The following MYO9A variants were observed in gnomAD, a reference collection of about 807,000 sequenced individuals.
The protein encoded by MYO9A is unconventional myosin-IXa.
MYO9A carries 103 observed loss-of-function variants against 293.3 expected under a neutral mutation model. The ratio of observed to expected loss-of-function variants is 0.35; its 90% CI spans 0.30 to 0.41. The LOEUF (loss-of-function observed/expected upper bound fraction) is 0.41, where lower values mean the gene tolerates loss of function less well. Ranked by LOEUF, MYO9A falls within the 10% of genes least tolerant of loss-of-function variation. MYO9A has a pLI of 1.00. For missense variants in MYO9A, 2,685 were observed against 3,033.0 expected (o/e 0.89, Z 2.69); for synonymous variants, 1,001 against 1,035.7 (o/e 0.97, Z 0.64).
chr15:72,058,868 GT>G (rs934397172), intron 1 of MYO9A, among the ~76,000 whole-genome samples: 3 of 152,180 alleles, frequency 2.0e-5, no homozygotes, highest in African/African-American at 7.2e-5. Context: ...TAGAAGTTCA[GT>G]TAAAGAAATT....
At chr15:71,846,173 G>C (rs1251733966) in intron 39 of MYO9A, among the ~76,000 whole-genome samples, 2 of 152,182 alleles carry the variant, frequency 1.3e-5, no homozygotes, top group Non-Finnish European at 2.9e-5. Flanking sequence ...ACAGAAATGA[G>C]ATAGAACTGA....
intron 1 of MYO9A, among the ~76,000 whole-genome samples, chr15:72,058,567 G>T (rs1011540615): frequency 1.3e-5 from 2 of 152,082 alleles, no homozygotes; most frequent in Non-Finnish European, 2.9e-5. Flanking sequence ...AACAATACAC[G>T]TAAAGAACTA....
At chr15:72,068,397 C>G (rs1308846487) in intron 1 of MYO9A, among the ~76,000 whole-genome samples, 1 of 151,794 alleles carries the variant, frequency 6.6e-6, no homozygotes, top group African/African-American at 2.4e-5. Flanking sequence ...ATACCCATTT[C>G]TAGATTTAAA....
At chr15:71,886,920 C>CT (rs1464741038) in intron 27 of MYO9A, among the ~76,000 whole-genome samples, 2 of 152,034 alleles carry the variant, frequency 1.3e-5, no homozygotes, top group African/African-American at 4.8e-5. Context: ...GATTATACCT[C>CT]TACAGTCAGC....
chr15:72,047,774 C>CTTTTTTTTTTTT (rs11397735), intron 1 of MYO9A, among the ~76,000 whole-genome samples: 14 of 74,384 alleles, frequency 1.9e-4, no homozygotes, highest in East Asian at 9.7e-4. Flanking sequence ...CAGTTACTTC[C>CTTTTTTTTTTTT]TTTTTTTTTT....
intron 1 of MYO9A, among the ~76,000 whole-genome samples, chr15:72,051,807 C>A (rs1032028913): frequency 1.4e-4 from 21 of 152,120 alleles, no homozygotes; most frequent in Non-Finnish European, 1.3e-4. Context: ...TGTAGGCACC[C>A]CCTGTCACAA....
intron 1 of MYO9A, among the ~76,000 whole-genome samples, chr15:72,083,778 GTTGT>G (rs1463870430): frequency 1.3e-5 from 2 of 152,188 alleles, no homozygotes; most frequent in African/African-American, 4.8e-5. Context: ...TCAGAAGAAG[GTTGT>G]TTAATTTCCA....
At chr15:71,943,472 ATCTCT>A (rs2058830563) in intron 15 of MYO9A, among the ~76,000 whole-genome samples, 1 of 152,068 alleles carries the variant, frequency 6.6e-6, no homozygotes, top group African/African-American at 2.4e-5. Flanking sequence ...ATGAAAAATA[ATCTCT>A]TCTAGGCATT....
intron 15 of MYO9A, among the ~76,000 whole-genome samples, chr15:71,948,727 A>G (rs2058979345): frequency 6.6e-6 from 1 of 152,188 alleles, no homozygotes; most frequent in African/African-American, 2.4e-5. Flanking sequence ...TTTCCATATA[A>G]TACATATGTT....
intron 2 of MYO9A, among the ~76,000 whole-genome samples, chr15:72,036,983 T>G (rs2078067402): frequency 6.6e-6 from 1 of 151,890 alleles, no homozygotes; most frequent in Admixed American, 6.6e-5. Flanking sequence ...TCCACCTACC[T>G]GAGCCTCCCA....
In MYO9A at chr15:71,935,435, T is replaced by G. The variant is rs1410068658; in HGVS notation, c.2428A>C (p.Arg810=). ...AGCAAGGAGGTGCCACTTGATAGTC[T>G]GCTCTGGCGAATCCCAGTTCTGCCA... ...WNGRTGIRQS[R]LSSGTSLLDK... Residue 810 remains arginine (R), a synonymous_variant, in exon 17 of 42, where the codon AGA becomes CGA. Coordinates refer to ENST00000356056, the MANE Select transcript of MYO9A (RefSeq NM_006901.4). 4 of 1,613,566 alleles carry G rather than the reference T, an allele frequency of 2.5e-6. No individual in the cohort carries two copies. The highest frequency in any genetic ancestry group is 3.4e-6 in the Non-Finnish European group (4 of 1,179,708).
rs142776567 is a variant in MYO9A at position 71,897,772 on chromosome 15, T to A, written c.4731A>T (p.Leu1577=). The A allele has an allele frequency of 3.3e-4, 525 of 1,614,068 alleles. 1 individual carries two copies. The African/African-American group carries it at 5.2e-3, about 16-fold the overall frequency. Residue 1577 remains leucine, a synonymous_variant, in exon 25 of 42, where the codon CTA becomes CTT. Transcript: ENST00000356056. ...GGGCAAGAGCTGCATCTTTTAATGA[T>A]AGGGACCCCAGTACATTAAGTTCTC... The part of the protein sequence containing the change: ...NKGELNVLGS[L]SLKDAALAQK...
At chr15:72,082,533 T>C (rs1241645752) in intron 1 of MYO9A, among the ~76,000 whole-genome samples, 1 of 152,144 alleles carries the variant, frequency 6.6e-6, no homozygotes, top group East Asian at 1.9e-4. Flanking sequence ...ATGCCCTTTA[T>C]TTCTTTCCCT....
At chr15:71,925,149 TCACATATATACATGTGTATATATA>T (rs143688422) in intron 18 of MYO9A, among the ~76,000 whole-genome samples, 6,878 of 141,156 alleles carry the variant, frequency 0.049, 307 homozygotes, top group East Asian at 0.15. Context: ...AATATTTCCT[TCACATATATACATGTGTATATATA>T]CACATATATA....
intron 16 of MYO9A, among the ~76,000 whole-genome samples, chr15:71,938,564 A>T (rs1450451728): frequency 1.3e-5 from 2 of 152,142 alleles, no homozygotes; most frequent in African/African-American, 2.4e-5. Flanking sequence ...TTTGTAAAAG[A>T]CATAAAATGC....
chr15:71,837,770 G>A (rs984571554), intron 39 of MYO9A, among the ~76,000 whole-genome samples: 2 of 152,044 alleles, frequency 1.3e-5, no homozygotes, highest in African/African-American at 4.8e-5. Flanking sequence ...ATTACATGGA[G>A]CTTTTAGAAA....
chr15:72,006,341 C>A (rs949110171), intron 8 of MYO9A, among the ~76,000 whole-genome samples: 2 of 152,126 alleles, frequency 1.3e-5, no homozygotes, highest in African/African-American at 4.8e-5. Context: ...GTTCAAGCAA[C>A]TCACCTGCCT....
intron 6 of MYO9A, among the ~76,000 whole-genome samples, chr15:72,013,156 G>A (rs576692121): frequency 9.3e-4 from 142 of 152,282 alleles, no homozygotes; most frequent in Non-Finnish European, 1.5e-3. Context: ...AGAGAAGACA[G>A]ACTAAACAGT....
chr15:71,964,386 C>A (rs2075818544), intron 13 of MYO9A, among the ~76,000 whole-genome samples: 1 of 152,090 alleles, frequency 6.6e-6, no homozygotes. Flanking sequence ...GTGGCTCACA[C>A]CTGTAATCCC....
Sources: allele counts gnomAD v4.1 joint callset (sites outside exome capture counted in the v4.1 genomes callset), GRCh38; gene constraint gnomAD v4.1.1; transcripts MANE v1.5; gene names NCBI Gene and HGNC (gene_info 2026-07-23, HGNC 2026-07-21).